Variants in TPRG1 observed in about 807,000 individuals in gnomAD.
TPRG1 encodes the protein tumor protein p63-regulated gene 1 protein.
TPRG1 carries 29 observed loss-of-function variants against 29.3 expected under a neutral mutation model. The observed-to-expected ratio is 0.99, with a 90% CI of 0.74 to 1.35. The LOEUF (loss-of-function observed/expected upper bound fraction) is 1.35, where lower values mean the gene tolerates loss of function less well. TPRG1 is among the 40% of genes most tolerant of loss of function. TPRG1 has a pLI of 0.00. For missense variants in TPRG1, 327 were observed against 335.0 expected, an observed-to-expected ratio of 0.98 and a Z score of 0.19; for synonymous variants, 130 against 116.8, an observed-to-expected ratio of 1.11 and a Z score of -0.73.
intron 2 of TPRG1, among the ~76,000 whole-genome samples, chr3:189,214,245 TAAC>T (rs1282712398): frequency 1.3e-5 from 2 of 152,326 alleles, no homozygotes; most frequent in East Asian, 3.9e-4. Flanking sequence ...ACTCTTTACT[TAAC>T]AATTTTTTCT....
At position 189,238,721 on chromosome 3, in the gene TPRG1, T is replaced by C; in HGVS notation, c.303-12T>C. On this transcript the variant is annotated splice_polypyrimidine_tract_variant and intron_variant, in intron 3 of 5. Coordinates refer to ENST00000345063, the MANE Select transcript of TPRG1 (RefSeq NM_198485.4). ...TGTCATCAATTTTTATTTGCTATGATGATTCCTATAGGATAGACCACTGGA... is the reference window on the plus strand; with the variant it reads ...TGTCATCAATTTTTATTTGCTATGACGATTCCTATAGGATAGACCACTGGA... 2 of 1,582,198 alleles carry C rather than the reference T, an allele frequency of 1.3e-6. No homozygotes were observed. Among genetic ancestry groups the C allele is most frequent in the Non-Finnish European group, 1.7e-6 (2 of 1,160,570 alleles).
intron 1 of TPRG1, among the ~76,000 whole-genome samples, chr3:189,108,087 A>G (rs1197059625): frequency 6.6e-6 from 1 of 152,190 alleles, no homozygotes; most frequent in African/African-American, 2.4e-5. Context: ...ATATGCCCTC[A>G]GGGATAAACC....
At chr3:189,063,895 T>C (rs972796842) in intron 4 of TPRG1, among the ~76,000 whole-genome samples, 3 of 152,140 alleles carry the variant, frequency 2.0e-5, no homozygotes, top group South Asian at 2.1e-4. Flanking sequence ...ATACTCATGA[T>C]TGTGGTTTAT....
chr3:189,252,035 G>T (rs903108471), intron 4 of TPRG1, among the ~76,000 whole-genome samples: 1 of 152,170 alleles, frequency 6.6e-6, no homozygotes, highest in African/African-American at 2.4e-5. Flanking sequence ...AGAGGTCCCT[G>T]CGGCCTTCTG....
intron 5 of TPRG1, among the ~76,000 whole-genome samples, chr3:189,155,332 G>A (rs1400765923): frequency 6.6e-6 from 1 of 152,200 alleles, no homozygotes; most frequent in Non-Finnish European, 1.5e-5. Flanking sequence ...GGTGGCAGCT[G>A]TGGAGGTACT....
chr3:189,155,021 A>T (rs752868813), intron 5 of TPRG1, among the ~76,000 whole-genome samples: 10 of 152,220 alleles, frequency 6.6e-5, no homozygotes, highest in Non-Finnish European at 1.2e-4. Flanking sequence ...GAAATGTCCT[A>T]GGCAGAGCGA....
chr3:189,225,014 C>T (rs1304403547), intron 3 of TPRG1, among the ~76,000 whole-genome samples: 2 of 150,958 alleles, frequency 1.3e-5, no homozygotes, highest in Non-Finnish European at 2.9e-5. Context: ...TCACTGCAAG[C>T]TCTGCCTCCT....
chr3:189,074,524 C>G (rs1209160614), intron 4 of TPRG1, among the ~76,000 whole-genome samples: 2 of 151,748 alleles, frequency 1.3e-5, no homozygotes, highest in African/African-American at 2.4e-5. Context: ...TTCTTTTTTA[C>G]GTTTGGAAAC....
chr3:189,039,400 T>C (rs1210490965), intron 4 of TPRG1, among the ~76,000 whole-genome samples: 1 of 152,164 alleles, frequency 6.6e-6, no homozygotes, highest in African/African-American at 2.4e-5. Context: ...TCTGGGAAGT[T>C]AAATACATGA....
chr3:189,086,426 A>G (rs1717943182), intron 4 of TPRG1, among the ~76,000 whole-genome samples: 1 of 151,424 alleles, frequency 6.6e-6, no homozygotes, highest in Non-Finnish European at 1.5e-5. Context: ...TGGCACAATC[A>G]AAGCTCATTG....
intron 4 of TPRG1, among the ~76,000 whole-genome samples, chr3:189,051,817 C>G (rs2152139835): frequency 6.6e-6 from 1 of 152,242 alleles, no homozygotes; most frequent in East Asian, 1.9e-4. Flanking sequence ...TGATCTTCAA[C>G]AAAGCAAACA....
In TPRG1 at chr3:189,094,028, T is replaced by C. The variant is rs187244094; in HGVS notation, c.-462-33029T>C. ...ATTGTTCATTTTTCAGTTTGTAACT[T>C]GAATCTCACTGAAAGATACAGCCTC... On this transcript the variant is annotated intron_variant, in intron 4 of 10. Transcript: ENST00000433971. Among the ~76,000 whole-genome samples, 5 of 152,256 alleles carry C rather than the reference T, an allele frequency of 3.3e-5. No individual in the cohort carries two copies. In the East Asian group the frequency reaches 9.7e-4, roughly 29 times the overall value.
chr3:189,248,509 T>C (rs114063301), intron 4 of TPRG1, among the ~76,000 whole-genome samples: 2,591 of 151,530 alleles, frequency 0.017, 77 homozygotes, highest in African/African-American at 0.058. Context: ...TTTGTATATA[T>C]ATATCTTGCA....
intron 4 of TPRG1, among the ~76,000 whole-genome samples, chr3:189,051,121 A>G (rs573534896): frequency 2.6e-5 from 4 of 152,318 alleles, no homozygotes; most frequent in Non-Finnish European, 5.9e-5. Context: ...GGGCATCCAA[A>G]TCGGTAAAGA....
intron 5 of TPRG1, among the ~76,000 whole-genome samples, chr3:189,161,453 A>G (rs559320693): frequency 1.0e-3 from 133 of 132,252 alleles, no homozygotes; most frequent in Admixed American, 1.4e-3. Context: ...TAGCTTAATA[A>G]GTAGTAGGTT....
At chr3:189,032,100 G>T (rs980318775) in intron 4 of TPRG1, among the ~76,000 whole-genome samples, 1 of 152,124 alleles carries the variant, frequency 6.6e-6, no homozygotes, top group Admixed American at 6.5e-5. Context: ...AGGCTTTGCC[G>T]ATGTGATTGA....
intron 1 of TPRG1, among the ~76,000 whole-genome samples, chr3:188,998,841 G>T (rs1711911889): frequency 6.6e-6 from 1 of 152,138 alleles, no homozygotes; most frequent in African/African-American, 2.4e-5. Flanking sequence ...ATGAAGAGAG[G>T]TTTGTTAATG....
intron 1 of TPRG1, among the ~76,000 whole-genome samples, chr3:189,198,295 C>A (rs1488513406): frequency 1.3e-5 from 2 of 152,176 alleles, no homozygotes; most frequent in Non-Finnish European, 2.9e-5. Flanking sequence ...CACTCGCATT[C>A]CCCTCTTCCC....
intron 3 of TPRG1, among the ~76,000 whole-genome samples, chr3:189,017,702 C>A (rs544737570): frequency 3.0e-4 from 45 of 152,248 alleles, no homozygotes; most frequent in East Asian, 7.7e-4. Flanking sequence ...GTGTGCATGT[C>A]TCTTTATAGC....
Sources: allele counts gnomAD v4.1 joint callset (sites outside exome capture counted in the v4.1 genomes callset), GRCh38; gene constraint gnomAD v4.1.1; transcripts MANE v1.5; gene names NCBI Gene and HGNC (gene_info 2026-07-23, HGNC 2026-07-21).